PCDH15: variants seen among roughly 807,000 people sequenced by gnomAD.
PCDH15 encodes the protein protocadherin related 15.
Under a neutral mutation model 178.5 loss-of-function variants are expected in PCDH15, and 129 were observed. The ratio of observed to expected loss-of-function variants is 0.72; its 90% CI spans 0.63 to 0.84. The LOEUF is 0.84. PCDH15 is among the 40% of genes least tolerant of loss of function. PCDH15 has a pLI of 0.00. For synonymous variants in PCDH15, 800 were observed against 732.0 expected, an observed-to-expected ratio of 1.09 and a Z score of -1.50; for missense variants, 2,230 against 2,099.9, an observed-to-expected ratio of 1.06 and a Z score of -1.21.
chr10:54,878,469 T>C (rs1244126599), intron 3 of PCDH15, among the ~76,000 whole-genome samples: 1 of 152,136 alleles, frequency 6.6e-6, no homozygotes, highest in African/African-American at 2.4e-5. Flanking sequence ...GTCCTCCATT[T>C]CTATTTACCC....
chr10:53,994,265 G>A lies in PCDH15; in HGVS notation c.2868+1384C>T, dbSNP rs533070229. Among the ~76,000 whole-genome samples, 6 of 152,218 alleles carry A rather than the reference G, an allele frequency of 3.9e-5. No individual in the cohort carries two copies. In the South Asian group the frequency reaches 1.2e-3, roughly 32 times the overall value. ...GTCTGTCCCATGTAGGTGAAAAATAGCGCGACTTTTAATCTCTCATCATTA... is the reference window on the plus strand; with the variant it reads ...GTCTGTCCCATGTAGGTGAAAAATAACGCGACTTTTAATCTCTCATCATTA... On this transcript the variant is annotated intron_variant, in intron 21 of 37. Coordinates refer to ENST00000644397, the MANE Select transcript of PCDH15 (RefSeq NM_001384140.1).
intron 3 of PCDH15, among the ~76,000 whole-genome samples, chr10:54,851,528 T>G (rs557159885): frequency 6.6e-6 from 1 of 152,172 alleles, no homozygotes; most frequent in East Asian, 1.9e-4. Flanking sequence ...CAAGCCCTTA[T>G]GGTATGCTGA....
chr10:53,866,451 A>G (rs540350134), intron 27 of PCDH15, among the ~76,000 whole-genome samples, 191 bp downstream of exon 27: 156 of 148,318 alleles, frequency 1.1e-3, no homozygotes, highest in Middle Eastern at 3.6e-3. Context: ...TTGTAAATAT[A>G]TATATATATA....
chr10:54,367,662 T>A (rs1947009367), intron 5 of PCDH15, among the ~76,000 whole-genome samples: 1 of 149,564 alleles, frequency 6.7e-6, no homozygotes, highest in Admixed American at 6.7e-5. Context: ...GTTGGGGGAG[T>A]GAGGGGGTAG....
At chr10:54,201,094 T>C (rs1434039291) in intron 10 of PCDH15, among the ~76,000 whole-genome samples, 1 of 152,176 alleles carries the variant, frequency 6.6e-6, no homozygotes, top group African/African-American at 2.4e-5. Context: ...AGCTACATAG[T>C]TACAGGTACC....
At chr10:55,310,145 T>G (rs969667732) in intron 1 of PCDH15, among the ~76,000 whole-genome samples, 55 of 152,170 alleles carry the variant, frequency 3.6e-4, no homozygotes, top group African/African-American at 1.2e-3. Flanking sequence ...TTCAAAACAC[T>G]TATTTGTTTT....
chr10:55,357,421 A>C (rs919282616), intron 2 of PCDH15, among the ~76,000 whole-genome samples: 8 of 151,980 alleles, frequency 5.3e-5, no homozygotes, highest in Admixed American at 1.3e-4. Context: ...TCTAAGGTAG[A>C]AACTTTCAAT....
At chr10:55,548,646 C>A (rs1052052141) in intron 2 of PCDH15, among the ~76,000 whole-genome samples, 1 of 152,060 alleles carries the variant, frequency 6.6e-6, no homozygotes, top group Non-Finnish European at 1.5e-5. Flanking sequence ...AGTTTAAAAC[C>A]CTCTGCCTTC....
chr10:53,910,160 C>T (rs2082974913), intron 25 of PCDH15, among the ~76,000 whole-genome samples: 1 of 152,170 alleles, frequency 6.6e-6, no homozygotes, highest in Admixed American at 6.5e-5. Flanking sequence ...CAATGGTTCT[C>T]CCAGCACGGT....
chr10:55,087,927 GA>G (rs920324077), intron 2 of PCDH15, among the ~76,000 whole-genome samples: 1 of 151,998 alleles, frequency 6.6e-6, no homozygotes, highest in Non-Finnish European at 1.5e-5. Flanking sequence ...AAGATTTATA[GA>G]TATTACTAAT....
chr10:54,298,446 G>C (rs2059933520), intron 8 of PCDH15, among the ~76,000 whole-genome samples: 1 of 152,170 alleles, frequency 6.6e-6, no homozygotes, highest in Non-Finnish European at 1.5e-5. Context: ...CTACCTTGCT[G>C]GTTCAGAGAG....
At chr10:54,495,607 A>G (rs1183884029) in intron 3 of PCDH15, among the ~76,000 whole-genome samples, 1 of 152,148 alleles carries the variant, frequency 6.6e-6, no homozygotes, top group Non-Finnish European at 1.5e-5. Flanking sequence ...AGAGATAATA[A>G]AAGTTAGAGA....
chr10:54,023,832 G>T (rs1259084834), intron 18 of PCDH15, among the ~76,000 whole-genome samples: 1 of 151,544 alleles, frequency 6.6e-6, no homozygotes, highest in Admixed American at 6.6e-5. Flanking sequence ...GCTTATGGAA[G>T]GTTACACAAG....
intron 1 of PCDH15, among the ~76,000 whole-genome samples, chr10:54,670,372 T>A (rs1003515350): frequency 6.6e-6 from 1 of 152,180 alleles, no homozygotes; most frequent in Non-Finnish European, 1.5e-5. Context: ...ACAGCTATGG[T>A]GAATTCTTGG....
chr10:55,256,623 A>G (rs529049930), intron 1 of PCDH15, among the ~76,000 whole-genome samples: 2 of 152,288 alleles, frequency 1.3e-5, no homozygotes, highest in Admixed American at 6.5e-5. Flanking sequence ...AGCCTCGCTC[A>G]TTGCTAGCAC....
At chr10:55,407,393 T>C (rs1437489144) in intron 2 of PCDH15, among the ~76,000 whole-genome samples, 6 of 152,156 alleles carry the variant, frequency 3.9e-5, no homozygotes, top group Non-Finnish European at 5.9e-5. Context: ...CCTGATGTCC[T>C]TTACATAGAG....
Position 55,273,283 on chromosome 10 carries a change from A to T in PCDH15, c.-156+46316T>A, listed in dbSNP as rs1256730950. ...AAAGATTTAAATTCTGGGTAATATGATTCCAAAACAAGTGTCATTTCAACA... is the reference window on the plus strand; with the variant it reads ...AAAGATTTAAATTCTGGGTAATATGTTTCCAAAACAAGTGTCATTTCAACA... On this transcript the variant is annotated intron_variant, in intron 1 of 5. Transcript: ENST00000458638. Among the ~76,000 whole-genome samples, 4 of 152,256 alleles carry T rather than the reference A, an allele frequency of 2.6e-5. 1 individual carries two copies. The highest frequency in any genetic ancestry group is 9.6e-5 in the African/African-American group (4 of 41,508).
chr10:54,756,096 C>CAT (rs1469590473), intron 1 of PCDH15, among the ~76,000 whole-genome samples: 2 of 146,520 alleles, frequency 1.4e-5, no homozygotes, highest in African/African-American at 5.1e-5. Flanking sequence ...CACACACACA[C>CAT]AAAATTAGCT....
chr10:55,022,517 G>A (rs1840356215), intron 2 of PCDH15, among the ~76,000 whole-genome samples: 1 of 151,084 alleles, frequency 6.6e-6, no homozygotes, highest in Non-Finnish European at 1.5e-5. Context: ...AACCATGTGA[G>A]GTACTGCATT....
Sources: gnomAD v4.1 joint callset for allele counts (sites outside exome capture counted in the v4.1 genomes callset) on GRCh38, gnomAD v4.1.1 for gene constraint, MANE v1.5 for transcripts, NCBI Gene and HGNC (gene_info 2026-07-23, HGNC 2026-07-21) for gene names.